SAMD15: variants seen among roughly 807,000 people sequenced by gnomAD.
SAMD15 encodes sterile alpha motif domain-containing protein 15.
Under a neutral mutation model 50.5 loss-of-function variants are expected in SAMD15, and 37 were observed. The observed-to-expected ratio is 0.73, with a 90% CI of 0.56 to 0.96. The LOEUF is 0.96. SAMD15 is among the 40% of genes least tolerant of loss of function. The probability of loss-of-function intolerance (pLI) is 0.00; values close to 1 mark genes in which losing one functional copy is unlikely to be tolerated. For missense variants in SAMD15, 789 were observed against 783.8 expected (o/e 1.01, Z -0.08); for synonymous variants, 255 against 282.8 (o/e 0.90, Z 0.99).
intron 2 of SAMD15, among the ~76,000 whole-genome samples, chr14:77,390,577 T>C (rs540099010): frequency 1.3e-3 from 196 of 152,234 alleles, no homozygotes; most frequent in Non-Finnish European, 2.5e-3. Context: ...ATTTGTTTCA[T>C]TATTTTATTT....
intron 2 of SAMD15, among the ~76,000 whole-genome samples, chr14:77,384,509 T>G (rs1018324812): frequency 6.6e-6 from 1 of 152,218 alleles, no homozygotes; most frequent in Non-Finnish European, 1.5e-5. Flanking sequence ...TTGCTATTTA[T>G]TTTGTTGCTC....
Position 77,391,329 on chromosome 14 carries a change from C to CAT in SAMD15, c.*85_*86insAT. Reference sequence around the variant, plus strand: ...GGTCTTTTTTGGTTTTCTTTTTCTCCTTTTTTTTTTTTTTATTTTTTTGAG... The same window carrying CAT: ...GGTCTTTTTTGGTTTTCTTTTTCTCCATTTTTTTTTTTTTTTATTTTTTTGAG... On this transcript the variant is annotated 3_prime_UTR_variant, in exon 3 of 3. Transcript: ENST00000216471. 1 of 684,698 alleles carries CAT rather than the reference C, an allele frequency of 1.5e-6. No individual in the cohort carries two copies. The highest frequency in any genetic ancestry group is 2.4e-6 in the Non-Finnish European group (1 of 419,096). 42.4% of individuals were successfully genotyped at this position (684,698 alleles called of 1,614,324 possible). A position where few individuals can be genotyped will look rare whatever the true frequency, so the allele number is the denominator to read the frequency against.
In SAMD15 at chr14:77,377,914, G is replaced by C; in HGVS notation, c.496G>C (p.Glu166Gln). 6.2e-7 allele frequency: 1 copy of C among 1,614,082 alleles called. No individual in the cohort carries two copies. The highest frequency in any genetic ancestry group is 8.5e-7 in the Non-Finnish European group (1 of 1,180,016). ...ETDPDPVPPT[E>Q]TMSEVSGATV... Reference sequence around the variant, plus strand: ...AGATCCAGATCCAGTGCCACCAACGGAAACCATGTCTGAGGTTTCGGGGGC... The same window carrying C: ...AGATCCAGATCCAGTGCCACCAACGCAAACCATGTCTGAGGTTTCGGGGGC... Residue 166 changes from glutamate (E) to glutamine (Q), a missense_variant, in exon 1 of 3, where the codon GAA (glutamate) becomes CAA (glutamine). By Grantham distance (29) the Glu-to-Gln change is conservative. This residue lies in a region of SAMD15 where 770 missense variants were observed against 745.4 expected (regional missense o/e 1.03). Transcript: ENST00000216471.
intron 2 of SAMD15, among the ~76,000 whole-genome samples, chr14:77,382,055 G>GC (rs1566700720): frequency 6.6e-6 from 1 of 151,768 alleles, no homozygotes; most frequent in Admixed American, 6.6e-5. Flanking sequence ...TCCTGCCTCA[G>GC]CCCCCCAAGT....
rs1469739638 is a variant in SAMD15, at chr14:77,378,717, T to C, written c.1299T>C (p.Ser433=). 1 of 1,613,564 alleles carries C rather than the reference T, an allele frequency of 6.2e-7. No individual in the cohort carries two copies. Among genetic ancestry groups the C allele is most frequent in the Admixed American group, 1.7e-5 (1 of 59,806 alleles). ...CAGAACCAATAAAGTCTAAGTATTC[T>C]GTAGGAAACGATGAGCTAGAGCACC... ...DRPEPIKSKY[S]VGNDELEHRE... is the part of the protein sequence containing the mutation. The change falls in exon 1 of 3, where the codon TCT becomes TCC. Residue 433 remains serine (S), a synonymous_variant. Coordinates refer to ENST00000216471, the MANE Select transcript of SAMD15 (RefSeq NM_001010860.4).
In SAMD15 at chr14:77,377,403, G is replaced by C. The variant is rs769743578; in HGVS notation, c.-16G>C. ...TGGGGTTGCTAGGAAGCCGCGGCGC[G>C]TCTGCTAAGCTGCAAATGGCTGAAG... is the stretch of plus-strand genomic sequence containing the variant. On this transcript the variant is annotated 5_prime_UTR_variant, in exon 1 of 3. Coordinates refer to ENST00000216471, the MANE Select transcript of SAMD15 (RefSeq NM_001010860.4). 1 of 1,580,292 alleles carries C rather than the reference G, an allele frequency of 6.3e-7. No individual in the cohort carries two copies. Among genetic ancestry groups the C allele is most frequent in the Admixed American group, 1.9e-5 (1 of 53,988 alleles).
In SAMD15 at chr14:77,382,201, T is replaced by C. The variant is rs543302506; in HGVS notation, c.1788+1720T>C. 2.0e-4 allele frequency among the ~76,000 whole-genome samples: 31 copies of C among 151,794 alleles called. No individual in the cohort carries two copies. In the South Asian group the frequency reaches 6.0e-3, roughly 30 times the overall value. ...GTGCAGTGGTGCGATCTCAGCTCATTGCAACCTCCACCTCCCGGGTTCAAG... is the reference window on the plus strand; with the variant it reads ...GTGCAGTGGTGCGATCTCAGCTCATCGCAACCTCCACCTCCCGGGTTCAAG... On this transcript the variant is annotated intron_variant, in intron 2 of 2. Transcript: ENST00000216471.
In SAMD15 at chr14:77,378,183, G is replaced by T; in HGVS notation, c.765G>T (p.Glu255Asp). Residue 255 changes from glutamate (E) to aspartate (D), a missense_variant, in exon 1 of 3, where the codon GAG becomes GAT. By Grantham distance (45) the Glu-to-Asp change is conservative. Transcript: ENST00000216471. ...QRESTEKKRT[E>D]PPEQARLEFL... ...AGTCAACTGAGAAGAAAAGGACAGA[G>T]CCACCCGAGCAGGCTAGACTGGAAT... The T allele has an allele frequency of 1.2e-6, 2 of 1,613,874 alleles. No individual in the cohort carries two copies. Among genetic ancestry groups the T allele is most frequent in the South Asian group, 2.2e-5 (2 of 91,060 alleles).
At chr14:77,387,902 G>C (rs1894023867) in intron 2 of SAMD15, among the ~76,000 whole-genome samples, 3 of 152,062 alleles carry the variant, frequency 2.0e-5, no homozygotes, top group African/African-American at 4.8e-5. Flanking sequence ...AAAAAGCAGG[G>C]TATGTTGTCA....
At chr14:77,384,540 A>T (rs995403839) in intron 2 of SAMD15, among the ~76,000 whole-genome samples, 2 of 152,072 alleles carry the variant, frequency 1.3e-5, no homozygotes, top group Admixed American at 6.6e-5. Context: ...ATCTTTCACC[A>T]TTGGGGGCTC....
chr14:77,383,705 G>A (rs989200190), intron 2 of SAMD15, among the ~76,000 whole-genome samples: 16 of 152,106 alleles, frequency 1.1e-4, no homozygotes, highest in African/African-American at 3.4e-4. Flanking sequence ...AGGTCTGGTG[G>A]CTCACGCCTG....
Position 77,378,037 on chromosome 14 carries a change from G to C in SAMD15, c.619G>C (p.Glu207Gln), listed in dbSNP as rs1293330498. The change falls in exon 1 of 3, where the codon GAG becomes CAG. Residue 207 changes from glutamate to glutamine, a missense_variant. Physicochemically the swap from Glu to Gln is conservative, Grantham distance 29. Coordinates refer to ENST00000216471, the MANE Select transcript of SAMD15 (RefSeq NM_001010860.4). The part of the protein sequence containing the change: ...LRVQHEETGL[E>Q]PPEQTKQDFP... ...AGTGCAACATGAAGAGACAGGTCTA[G>C]AGCCTCCAGAGCAGACCAAACAAGA... The C allele has an allele frequency of 6.2e-7, 1 of 1,613,864 alleles. No individual in the cohort carries two copies. Among genetic ancestry groups the C allele is most frequent in the East Asian group, 2.2e-5 (1 of 44,894 alleles).
At chr14:77,381,976 C>T (rs1370726172) in intron 2 of SAMD15, among the ~76,000 whole-genome samples, 1 of 152,056 alleles carries the variant, frequency 6.6e-6, no homozygotes, top group Non-Finnish European at 1.5e-5. Context: ...CTCGCTCTGT[C>T]ACCCAGGCTG....
chr14:77,378,878 A>C lies in SAMD15; in HGVS notation c.1460A>C (p.Asn487Thr), dbSNP rs547786336. Residue 487 changes from asparagine (N) to threonine (T), a missense_variant, in exon 1 of 3, where the codon AAT becomes ACT. Around this residue, in one of 2 missense-constraint regions of SAMD15, gnomAD observed 770 missense variants for 745.4 expected, o/e 1.03. Coordinates refer to ENST00000216471, the MANE Select transcript of SAMD15 (RefSeq NM_001010860.4). ...TTGCAACCACTCCAAAAATTGCTTAATGTCAGTGAAGAATGCTCATACTCA... is the reference window on the plus strand; with the variant it reads ...TTGCAACCACTCCAAAAATTGCTTACTGTCAGTGAAGAATGCTCATACTCA... ...EFLQPLQKLL[N>T]VSEECSYSDP... The C allele has an allele frequency of 1.1e-5, 17 of 1,614,040 alleles. No homozygotes were observed. The African/African-American group carries it at 2.0e-4, about 19-fold the overall frequency.
At chr14:77,385,486 G>C (rs964180022) in intron 2 of SAMD15, among the ~76,000 whole-genome samples, 1 of 151,676 alleles carries the variant, frequency 6.6e-6, no homozygotes, top group Admixed American at 6.6e-5. Flanking sequence ...ATGGGGTTTC[G>C]CCATGTTGGC....
intron 1 of SAMD15, 105 bp downstream of exon 1, chr14:77,379,212 A>G (rs1017883182): frequency 7.4e-6 from 8 of 1,088,088 alleles, no homozygotes; most frequent in Admixed American, 4.6e-5. Flanking sequence ...AGGAGTATCA[A>G]AAAGTCCTAG....
rs150928099 is a variant in SAMD15 at position 77,377,622 on chromosome 14, G to A, written c.204G>A (p.Glu68=). Residue 68 remains glutamate, a synonymous_variant, in exon 1 of 3, where the codon GAG becomes GAA. Coordinates refer to ENST00000216471, the MANE Select transcript of SAMD15 (RefSeq NM_001010860.4). ...AGGAAGAGGACTTCAAAGAGGGGGA[G>A]CCAGACAGTGCTAAGAACGTGCAGC... ...ETEEEDFKEG[E]PDSAKNVQLK... is the part of the protein sequence containing the mutation. 1.2e-6 allele frequency: 2 copies of A among 1,614,192 alleles called. No individual in the cohort carries two copies. The highest frequency in any genetic ancestry group is 3.3e-5 in the Admixed American group (2 of 60,024).
At chr14:77,387,791 C>T (rs1033514039) in intron 2 of SAMD15, among the ~76,000 whole-genome samples, 18 of 151,972 alleles carry the variant, frequency 1.2e-4, no homozygotes, top group Non-Finnish European at 2.1e-4. Flanking sequence ...CTGGCTCACA[C>T]CTGTAATCTT....
At chr14:77,390,844 C>T (rs1034199463) in intron 2 of SAMD15, among the ~76,000 whole-genome samples, 164 bp from the exon 3 acceptor site, 7 of 152,076 alleles carry the variant, frequency 4.6e-5, no homozygotes, top group African/African-American at 9.7e-5. Context: ...GAGCCAAGAT[C>T]GCGCCACTGC....
Sources: allele counts gnomAD v4.1 joint callset (sites outside exome capture counted in the v4.1 genomes callset), GRCh38; gene constraint gnomAD v4.1.1; regional missense constraint gnomAD v4.1.1; transcripts MANE v1.5; gene names NCBI Gene and HGNC (gene_info 2026-07-23, HGNC 2026-07-21).